MYO9B: variants seen among roughly 807,000 people sequenced by gnomAD.
MYO9B encodes the protein myosin IXB.
A neutral mutation model predicts 229.5 loss-of-function variants in MYO9B; 71 were observed. The ratio of observed to expected loss-of-function variants is 0.31; its 90% CI spans 0.26 to 0.38. MYO9B has a LOEUF of 0.38. MYO9B is among the 10% of genes least tolerant of loss of function. MYO9B has a pLI of 1.00. For synonymous variants in MYO9B, 1,185 were observed against 1,235.8 expected (o/e 0.96, Z 0.86); for missense variants, 2,255 against 2,920.5 (o/e 0.77, Z 5.25).
chr19:17,090,331 T>C (rs1458417235), intron 1 of MYO9B, among the ~76,000 whole-genome samples: 1 of 151,920 alleles, frequency 6.6e-6, no homozygotes, highest in Non-Finnish European at 1.5e-5. Flanking sequence ...GTTTTTTTTC[T>C]GTAGAGACGA....
chr19:17,205,408 T>C, intron 31 of MYO9B, 72 bp downstream of exon 31: 1 of 1,454,808 alleles, frequency 6.9e-7, no homozygotes, highest in East Asian at 2.3e-5. Flanking sequence ...GAGGTGGTGC[T>C]TGATGTGAGG....
chr19:17,202,949 G>T, intron 29 of MYO9B, 66 bp downstream of exon 29: 5 of 1,549,960 alleles, frequency 3.2e-6, no homozygotes, highest in Non-Finnish European at 3.5e-6. Flanking sequence ...GCACGTGTGT[G>T]TCAGTGTCAA....
At chr19:17,202,526 C>T (rs1369470046) in intron 28 of MYO9B, among the ~76,000 whole-genome samples, 2 of 152,162 alleles carry the variant, frequency 1.3e-5, no homozygotes, top group African/African-American at 4.8e-5. Flanking sequence ...CCACACCCAC[C>T]CATGCCATGC....
chr19:17,117,158 G>T (rs1407875471), intron 2 of MYO9B, among the ~76,000 whole-genome samples: 1 of 152,170 alleles, frequency 6.6e-6, no homozygotes, highest in African/African-American at 2.4e-5. Flanking sequence ...GGAGACAGGG[G>T]ACCCATCTGT....
At chr19:17,141,027 C>T (rs2145213956) in intron 2 of MYO9B, among the ~76,000 whole-genome samples, 1 of 151,628 alleles carries the variant, frequency 6.6e-6, no homozygotes, top group East Asian at 2.0e-4. Flanking sequence ...TCACTTGAAC[C>T]CAGGAGGTGG....
rs2073031938 is a variant in MYO9B at position 17,195,389 on chromosome 19, C to T, written c.3962C>T (p.Ala1321Val). 3 of 1,609,996 alleles carry T rather than the reference C, an allele frequency of 1.9e-6. No homozygotes were observed. Among genetic ancestry groups the T allele is most frequent in the South Asian group, 1.1e-5 (1 of 90,998 alleles). ...ELWRGKKLVA[A>V]ASPSAMLSQS... ...TGGCGGGGCAAGAAGCTGGTGGCCG[C>T]CGCCAGCCCTAGTGCCATGCTCAGC... Residue 1321 changes from alanine (A) to valine (V), a missense_variant, in exon 22 of 40, where the codon GCC becomes GTC. By Grantham distance (64) the Ala-to-Val change is moderately conservative. Transcript: ENST00000682292. This position sits in a 1 kb window ranked among gnomAD's most constrained non-coding sequence, Gnocchi z 4.5.
chr19:17,114,725 C>T (rs2057883818), intron 2 of MYO9B, among the ~76,000 whole-genome samples: 1 of 152,072 alleles, frequency 6.6e-6, no homozygotes, highest in Non-Finnish European at 1.5e-5. Context: ...GTGGTCCTCC[C>T]TGTCCTCCTG....
chr19:17,093,686 CGGGGGGT>C (rs1051664814), intron 1 of MYO9B, among the ~76,000 whole-genome samples: 1 of 98,604 alleles, frequency 1.0e-5, no homozygotes, highest in African/African-American at 3.3e-5. Context: ...AGTTTTTTTG[CGGGGGGT>C]GGGGGGGGGG....
At chr19:17,109,408 A>T (rs905426048) in intron 2 of MYO9B, among the ~76,000 whole-genome samples, 4 of 152,120 alleles carry the variant, frequency 2.6e-5, no homozygotes, top group Admixed American at 6.6e-5. Flanking sequence ...CCCACTGGGT[A>T]TCAGGGTTTG....
intron 1 of MYO9B, among the ~76,000 whole-genome samples, chr19:17,093,434 T>G (rs539290244): frequency 6.6e-6 from 1 of 152,304 alleles, no homozygotes; most frequent in East Asian, 1.9e-4. Context: ...CTTGGCCCTG[T>G]GGAGCTGCCT....
chr19:17,156,490 C>G (rs184248140), intron 6 of MYO9B, among the ~76,000 whole-genome samples: 14 of 152,282 alleles, frequency 9.2e-5, no homozygotes, highest in Non-Finnish European at 2.1e-4. Flanking sequence ...GAGGCCAAGA[C>G]AGGAGGATCA....
intron 8 of MYO9B, 45 bp from the exon 9 acceptor site, chr19:17,162,305 A>G: frequency 2.0e-6 from 3 of 1,480,374 alleles, no homozygotes; most frequent in Non-Finnish European, 2.7e-6. Context: ...ACTCCAGCGC[A>G]GGGCCTGCCG....
At chr19:17,175,263 C>T (rs1249570815) in intron 13 of MYO9B, among the ~76,000 whole-genome samples, 4 of 146,844 alleles carry the variant, frequency 2.7e-5, no homozygotes, top group African/African-American at 2.6e-5. Flanking sequence ...GCAGCAAGAC[C>T]CTGTTGGTAA....
intron 1 of MYO9B, among the ~76,000 whole-genome samples, chr19:17,083,026 C>CTTTTTT (rs71334657): frequency 8.8e-5 from 8 of 90,904 alleles, no homozygotes; most frequent in African/African-American, 1.3e-4. Context: ...GTGAATCTTG[C>CTTTTTT]TTTTTTTTTT....
Position 17,101,690 on chromosome 19 carries a change from G to A in MYO9B, c.-28G>A, listed in dbSNP as rs1386960801. Reference sequence around the variant, plus strand: ...GGACACGCGCGCCCCGAGCCTGGGAGGCATGCTGAAGCCAGGCGGCCGGCA... The same window carrying A: ...GGACACGCGCGCCCCGAGCCTGGGAAGCATGCTGAAGCCAGGCGGCCGGCA... On this transcript the variant is annotated 5_prime_UTR_variant, in exon 2 of 40. Coordinates refer to ENST00000682292, the MANE Select transcript of MYO9B (RefSeq NM_004145.4). The surrounding 1 kb of genome is among the most constrained non-coding windows in gnomAD (Gnocchi z 4.7). The A allele has an allele frequency of 1.3e-6, 2 of 1,535,744 alleles. No homozygotes were observed. The highest frequency in any genetic ancestry group is 8.7e-7 in the Non-Finnish European group (1 of 1,145,794).
intron 3 of MYO9B, 81 bp from the exon 4 acceptor site, chr19:17,152,563 C>CA (rs199684217): frequency 0.19 from 164,659 of 876,522 alleles, 18 homozygotes; most frequent in East Asian, 0.24. Flanking sequence ...ACTCCCATCT[C>CA]AAAAAAAAAA....
At chr19:17,157,067 A>C (rs1408312809) in intron 7 of MYO9B, 29 bp downstream of exon 7, 1 of 1,606,550 alleles carries the variant, frequency 6.2e-7, no homozygotes, top group African/African-American at 1.3e-5. Flanking sequence ...GTCCCTTCTC[A>C]GGCCTGGCTC....
intron 31 of MYO9B, 140 bp from the exon 32 acceptor site, chr19:17,205,820 C>T (rs534549365): frequency 9.7e-4 from 838 of 860,034 alleles, no homozygotes; most frequent in Admixed American, 1.7e-3. Flanking sequence ...CCAACAACCA[C>T]GCAGAAGGAG....
chr19:17,102,289 T>C lies in MYO9B; in HGVS notation c.572T>C (p.Phe191Ser), dbSNP rs770683172. Residue 191 changes from phenylalanine (F) to serine (S), a missense_variant, in exon 2 of 40, where the codon TTC becomes TCC. Coordinates refer to ENST00000682292, the MANE Select transcript of MYO9B (RefSeq NM_004145.4). The stretch of plus-strand genomic sequence containing the variant: ...CTGGTGGCCATCAACCCCTTTAAGT[T>C]CCTGCCCATCTACAACCCCAAGTAC... ...SILVAINPFK[F>S]LPIYNPKYVK... The C allele has an allele frequency of 1.9e-6, 3 of 1,614,000 alleles. No individual in the cohort carries two copies. The highest frequency in any genetic ancestry group is 2.5e-6 in the Non-Finnish European group (3 of 1,179,892).
Sources: gnomAD v4.1 joint callset for allele counts (sites outside exome capture counted in the v4.1 genomes callset) on GRCh38, gnomAD v4.1.1 for gene constraint, Gnocchi (gnomAD v3.1) non-coding constraint, MANE v1.5 for transcripts, NCBI Gene and HGNC (gene_info 2026-07-23, HGNC 2026-07-21) for gene names.